The following GRB14 variants were observed in gnomAD, a reference collection of about 807,000 sequenced individuals.
GRB14 encodes growth factor receptor bound protein 14.
GRB14 carries 38 observed loss-of-function variants against 69.1 expected under a neutral mutation model. The ratio of observed to expected loss-of-function variants is 0.55; its 90% CI spans 0.42 to 0.72. GRB14 has a LOEUF of 0.72. GRB14 is among the 30% of genes least tolerant of loss of function. The pLI, the probability that GRB14 is intolerant of heterozygous loss-of-function variation, is 0.00. For missense variants in GRB14, 666 were observed against 666.1 expected (o/e 1.00, Z 0.00); for synonymous variants, 247 against 241.3 (o/e 1.02, Z -0.22).
At chr2:164,529,592 C>T (rs548655955) in intron 3 of GRB14, among the ~76,000 whole-genome samples, 1 of 152,148 alleles carries the variant, frequency 6.6e-6, no homozygotes, top group Admixed American at 6.5e-5. Flanking sequence ...ATATCTTCTA[C>T]TCCTGAAATT....
chr2:164,521,562 C>T (rs1259988551), intron 6 of GRB14, among the ~76,000 whole-genome samples: 2 of 152,012 alleles, frequency 1.3e-5, no homozygotes, highest in Non-Finnish European at 2.9e-5. Flanking sequence ...TCAGAAGAGA[C>T]ATTTTATTAA....
At chr2:164,557,591 G>A (rs189718124) in intron 2 of GRB14, among the ~76,000 whole-genome samples, 106 of 152,236 alleles carry the variant, frequency 7.0e-4, no homozygotes, top group East Asian at 1.9e-4. Context: ...CCAGATTGAG[G>A]TTGACTTCCT....
At chr2:164,510,144 G>A (rs1574254614) in intron 6 of GRB14, among the ~76,000 whole-genome samples, 1 of 152,172 alleles carries the variant, frequency 6.6e-6, no homozygotes, top group East Asian at 1.9e-4. Flanking sequence ...TGGTAAAAAT[G>A]TTTGATTTCT....
At position 164,578,522 on chromosome 2, in the gene GRB14, GCACA is replaced by G. The variant is rs61283767; in HGVS notation, c.325-30710_325-30707del. Among the ~76,000 whole-genome samples the G allele has an allele frequency of 3.8e-3, 556 of 145,670 alleles. 6 individuals carry two copies. Among genetic ancestry groups the G allele is most frequent in the African/African-American group, 0.013 (500 of 39,522 alleles). On this transcript the variant is annotated intron_variant, in intron 2 of 13. Transcript: ENST00000263915. ...AAAGGAACGAAAAGACAATTCGCGCGCACACACACACACACACACACACACACAC... is the reference window on the plus strand; with the variant it reads ...AAAGGAACGAAAAGACAATTCGCGCGCACACACACACACACACACACACAC...
intron 2 of GRB14, among the ~76,000 whole-genome samples, chr2:164,555,849 CA>C (rs1383976009): frequency 2.6e-5 from 4 of 151,712 alleles, no homozygotes; most frequent in African/African-American, 9.7e-5. Flanking sequence ...CTTATTTCTA[CA>C]GCTCTTTGAA....
intron 6 of GRB14, among the ~76,000 whole-genome samples, chr2:164,521,178 C>T (rs139151280): frequency 5.3e-5 from 8 of 152,016 alleles, no homozygotes; most frequent in Admixed American, 1.3e-4. Context: ...AGACAGACCA[C>T]GGAACCATAA....
At chr2:164,501,476 C>T (rs1687050848) in intron 9 of GRB14, among the ~76,000 whole-genome samples, 1 of 152,080 alleles carries the variant, frequency 6.6e-6, no homozygotes. Context: ...TATACCCTAT[C>T]TTAAGGAGTG....
intron 2 of GRB14, among the ~76,000 whole-genome samples, chr2:164,608,357 C>T (rs1558882261): frequency 6.6e-6 from 1 of 150,528 alleles, no homozygotes; most frequent in African/African-American, 2.5e-5. Flanking sequence ...GGCAAAAGAG[C>T]GAGACTCCCT....
At position 164,569,562 on chromosome 2, in the gene GRB14, C is replaced by T. The variant is rs149423527; in HGVS notation, c.325-21746G>A. On this transcript the variant is annotated intron_variant, in intron 2 of 13. Transcript: ENST00000263915. The stretch of plus-strand genomic sequence containing the variant: ...TAGTAACAAGGCAAAATGGAAGATA[C>T]TCAGCAACACAGACACAAACTTTCC... Among the ~76,000 whole-genome samples the T allele has an allele frequency of 1.6e-4, 24 of 152,294 alleles. No individual in the cohort carries two copies. In the East Asian group the frequency reaches 4.6e-3, roughly 29 times the overall value.
At chr2:164,494,983 G>C (rs550300116) in intron 12 of GRB14, among the ~76,000 whole-genome samples, 1 of 151,674 alleles carries the variant, frequency 6.6e-6, no homozygotes, top group African/African-American at 2.4e-5. Context: ...ACAGGGTCTC[G>C]CTCTGTCACC....
intron 2 of GRB14, among the ~76,000 whole-genome samples, chr2:164,564,736 C>T (rs1054799375): frequency 1.5e-4 from 23 of 152,246 alleles, no homozygotes; most frequent in African/African-American, 5.3e-4. Context: ...ACAATGTTGG[C>T]TGGGCACGGT....
chr2:164,560,496 G>T (rs1483352047), intron 2 of GRB14, among the ~76,000 whole-genome samples: 14 of 152,050 alleles, frequency 9.2e-5, no homozygotes. Context: ...TCACAAGCTT[G>T]TGACAAAGTT....
chr2:164,526,970 G>T, intron 4 of GRB14, 44 bp downstream of exon 4: 5 of 1,406,194 alleles, frequency 3.6e-6, no homozygotes, highest in South Asian at 1.3e-5. Flanking sequence ...AAAATTTAAC[G>T]GGTTCATTTA....
intron 2 of GRB14, among the ~76,000 whole-genome samples, chr2:164,549,517 A>G (rs780993504): frequency 1.8e-4 from 28 of 152,232 alleles, no homozygotes; most frequent in Middle Eastern, 3.4e-3. Flanking sequence ...TTCAATAACT[A>G]TTTAGTATTA....
intron 8 of GRB14, among the ~76,000 whole-genome samples, chr2:164,503,721 A>C (rs1687123031): frequency 6.6e-6 from 1 of 152,206 alleles, no homozygotes; most frequent in African/African-American, 2.4e-5. Flanking sequence ...AGTCAAATTC[A>C]TTTTGGAGAA....
intron 8 of GRB14, among the ~76,000 whole-genome samples, chr2:164,505,266 A>T (rs553917120): frequency 6.6e-6 from 1 of 152,354 alleles, no homozygotes; most frequent in East Asian, 1.9e-4. Flanking sequence ...AGAAGGGAAC[A>T]TTATTCCAGA....
chr2:164,508,443 C>T lies in GRB14; in HGVS notation c.1023+12G>A, dbSNP rs758784703. ...AGCAGTTAATAGAAATTCATGCCTC[C>T]GGCGAGATTACCTTAAGCAATCTAA... On this transcript the variant is annotated intron_variant, in intron 8 of 13. Transcript: ENST00000263915. 24 of 1,607,214 alleles carry T rather than the reference C, an allele frequency of 1.5e-5. No homozygotes were observed. Among genetic ancestry groups the T allele is most frequent in the East Asian group, 2.2e-5 (1 of 44,814 alleles).
chr2:164,591,889 T>C (rs760764765), intron 2 of GRB14, among the ~76,000 whole-genome samples: 2 of 152,082 alleles, frequency 1.3e-5, no homozygotes, highest in Admixed American at 6.6e-5. Context: ...CAGTGGGAGA[T>C]AATTGAATCA....
intron 3 of GRB14, among the ~76,000 whole-genome samples, chr2:164,535,707 A>G (rs1002323040): frequency 2.0e-5 from 3 of 152,238 alleles, no homozygotes; most frequent in African/African-American, 7.2e-5. Context: ...AGCAAAGAAT[A>G]AAACACAGCT....
Sources: gnomAD v4.1 joint callset for allele counts (sites outside exome capture counted in the v4.1 genomes callset) on GRCh38, gnomAD v4.1.1 for gene constraint, MANE v1.5 for transcripts, NCBI Gene and HGNC (gene_info 2026-07-23, HGNC 2026-07-21) for gene names.